The following CHRM3 variants were observed in gnomAD, a reference collection of about 807,000 sequenced individuals.
CHRM3 encodes the protein muscarinic acetylcholine receptor M3.
CHRM3 carries 11 observed loss-of-function variants against 41.8 expected under a neutral mutation model. The ratio of observed to expected loss-of-function variants is 0.26; its 90% CI spans 0.17 to 0.44. The LOEUF (loss-of-function observed/expected upper bound fraction) is 0.44. Ranked by LOEUF, CHRM3 falls within the 20% of genes least tolerant of loss-of-function variation. The pLI is 1.00. For synonymous variants in CHRM3, 297 were observed against 301.4 expected (o/e 0.99, Z 0.15); for missense variants, 571 against 745.4 (o/e 0.77, Z 2.72).
At chr1:239,638,535 G>A (rs1410427081) in intron 4 of CHRM3, among the ~76,000 whole-genome samples, 1 of 152,130 alleles carries the variant, frequency 6.6e-6, no homozygotes, top group Non-Finnish European at 1.5e-5. Context: ...ATTTTTTCAT[G>A]TGTTTTTTGG....
At chr1:239,597,496 T>C (rs1027308900) in intron 3 of CHRM3, among the ~76,000 whole-genome samples, 6 of 152,268 alleles carry the variant, frequency 3.9e-5, no homozygotes, top group African/African-American at 1.2e-4. Flanking sequence ...TTTTTTTATA[T>C]GTGATGACTG....
At chr1:239,642,523 C>T (rs896924696) in intron 4 of CHRM3, among the ~76,000 whole-genome samples, 2 of 152,156 alleles carry the variant, frequency 1.3e-5, no homozygotes, top group Non-Finnish European at 2.9e-5. Context: ...ATTTCATCTT[C>T]CATCACTGAT....
intron 5 of CHRM3, among the ~76,000 whole-genome samples, chr1:239,776,605 G>GA (rs1668104056): frequency 6.6e-6 from 1 of 152,060 alleles, no homozygotes. Flanking sequence ...CCGTCCATGG[G>GA]AAAAAATTCG....
At chr1:239,735,011 G>T (rs536332787) in intron 5 of CHRM3, among the ~76,000 whole-genome samples, 20 of 152,242 alleles carry the variant, frequency 1.3e-4, no homozygotes, top group Non-Finnish European at 2.6e-4. Context: ...TGCTCCAAAA[G>T]GGTGGTTATG....
In CHRM3 at chr1:239,907,353, C is replaced by A; in HGVS notation, c.-19-80C>A. 1.8e-6 allele frequency: 2 copies of A among 1,088,552 alleles called. No individual in the cohort carries two copies. The highest frequency in any genetic ancestry group is 1.5e-5 in the South Asian group (1 of 65,094). 67.4% of individuals were successfully genotyped at this position (1,088,552 alleles called of 1,614,324 possible). On this transcript the variant is annotated intron_variant, in intron 6 of 6. Coordinates refer to ENST00000676153, the MANE Select transcript of CHRM3 (RefSeq NM_001375978.1). The surrounding 1 kb of genome is among the most constrained non-coding windows in gnomAD (Gnocchi z 5.4). ...GCACCCTGTAATAGGCCTTCCATGT[C>A]TTTTAACGTATGTAATGCAAAGAAC...
chr1:239,533,772 T>C (rs937256085), intron 2 of CHRM3, among the ~76,000 whole-genome samples: 15 of 138,652 alleles, frequency 1.1e-4, no homozygotes, highest in Admixed American at 1.0e-3. Context: ...TTAAAAACCA[T>C]CAGATCTTGT....
chr1:239,517,876 G>GGT (rs779682425), intron 2 of CHRM3, among the ~76,000 whole-genome samples: 5 of 152,184 alleles, frequency 3.3e-5, no homozygotes, highest in Non-Finnish European at 7.3e-5. Context: ...GAGAGGCTGA[G>GGT]GTGGGCAGAT....
intron 5 of CHRM3, among the ~76,000 whole-genome samples, chr1:239,784,615 C>T (rs1348198165): frequency 1.3e-5 from 2 of 152,144 alleles, no homozygotes; most frequent in Non-Finnish European, 2.9e-5. Context: ...TACGTCGTTA[C>T]AATTAACATT....
chr1:239,496,833 C>G (rs1350781023), intron 2 of CHRM3, among the ~76,000 whole-genome samples: 1 of 152,072 alleles, frequency 6.6e-6, no homozygotes, highest in African/African-American at 2.4e-5. Context: ...CTACCAAATG[C>G]ATTTCCCTAC....
intron 3 of CHRM3, among the ~76,000 whole-genome samples, chr1:239,553,165 T>C (rs774454887): frequency 2.0e-5 from 3 of 152,086 alleles, no homozygotes; most frequent in African/African-American, 7.2e-5. Context: ...AAAGACTTTG[T>C]AAGGAAGTCA....
intron 1 of CHRM3, among the ~76,000 whole-genome samples, chr1:239,437,955 GGTGA>G (rs1323347469): frequency 6.6e-6 from 1 of 152,134 alleles, no homozygotes; most frequent in African/African-American, 2.4e-5. Flanking sequence ...TTGCTCAGTG[GGTGA>G]GTATGATCTT....
At chr1:239,442,619 G>A (rs1365491856) in intron 1 of CHRM3, among the ~76,000 whole-genome samples, 1 of 152,136 alleles carries the variant, frequency 6.6e-6, no homozygotes, top group Non-Finnish European at 1.5e-5. Context: ...TGTTCTGAGA[G>A]TGCGTATTTT....
chr1:239,661,878 A>G (rs1318401217), intron 4 of CHRM3, among the ~76,000 whole-genome samples: 1 of 152,134 alleles, frequency 6.6e-6, no homozygotes, highest in Non-Finnish European at 1.5e-5. Flanking sequence ...AATGCAAGGT[A>G]TTAATAACAA....
intron 5 of CHRM3, among the ~76,000 whole-genome samples, chr1:239,750,239 A>C (rs1219249377): frequency 6.6e-6 from 1 of 152,202 alleles, no homozygotes; most frequent in African/African-American, 2.4e-5. Flanking sequence ...CAGAAGGAAA[A>C]AATGGAAAAA....
chr1:239,726,732 G>A (rs1330353759), intron 5 of CHRM3, among the ~76,000 whole-genome samples: 1 of 151,916 alleles, frequency 6.6e-6, no homozygotes, highest in African/African-American at 2.4e-5. Context: ...TTTCTTCTGT[G>A]AAATTAGACA....
chr1:239,414,130 A>G (rs1199109148), intron 1 of CHRM3, among the ~76,000 whole-genome samples: 1 of 152,162 alleles, frequency 6.6e-6, no homozygotes, highest in Non-Finnish European at 1.5e-5. Context: ...CCAGCTAAAA[A>G]TCTAAATGTG....
chr1:239,900,662 G>A (rs573749614), intron 6 of CHRM3, among the ~76,000 whole-genome samples: 39 of 152,162 alleles, frequency 2.6e-4, no homozygotes, highest in African/African-American at 5.1e-4. Flanking sequence ...CTGGGCTGTC[G>A]AGAAAAGACA....
chr1:239,474,360 CTG>C (rs2147959674), intron 1 of CHRM3, among the ~76,000 whole-genome samples: 1 of 152,168 alleles, frequency 6.6e-6, no homozygotes, highest in East Asian at 1.9e-4. Context: ...TTCCATAACT[CTG>C]TTACAAGTAA....
intron 5 of CHRM3, among the ~76,000 whole-genome samples, chr1:239,685,965 A>AAGAC (rs1553364090): frequency 6.8e-6 from 1 of 147,116 alleles, no homozygotes; most frequent in Admixed American, 6.7e-5. Context: ...ACTCCATCTC[A>AAGAC]AAACAAACAA....
Sources: allele counts gnomAD v4.1 joint callset (sites outside exome capture counted in the v4.1 genomes callset), GRCh38; gene constraint gnomAD v4.1.1; non-coding constraint Gnocchi (gnomAD v3.1); transcripts MANE v1.5; gene names NCBI Gene and HGNC (gene_info 2026-07-23, HGNC 2026-07-21).